Variants in TRPM5 observed in about 807,000 individuals in gnomAD.
TRPM5 encodes the protein MLSN1 and TRP-related.
Under a neutral mutation model 124.9 loss-of-function variants are expected in TRPM5, and 121 were observed. The ratio of observed to expected loss-of-function variants is 0.97; its 90% CI spans 0.84 to 1.13. The LOEUF (loss-of-function observed/expected upper bound fraction) is 1.13, where lower values mean the gene tolerates loss of function less well. TRPM5 is among the 50% of genes most tolerant of loss of function. The probability of loss-of-function intolerance (pLI) is 0.00; values close to 1 mark genes in which losing one functional copy is unlikely to be tolerated. For synonymous variants in TRPM5, 781 were observed against 700.5 expected (o/e 1.11, Z -1.81); for missense variants, 1,643 against 1,589.1 (o/e 1.03, Z -0.58).
At chr11:2,427,174 C>T (rs995169331), upstream of TRPM5, among the ~76,000 whole-genome samples, 1 of 152,252 alleles carries the variant, frequency 6.6e-6, no homozygotes, top group African/African-American at 2.4e-5. Context: ...GATAAGGAAA[C>T]TGAGGCAAGA....
At chr11:2,405,375 A>G in intron 23 of TRPM5, 152 bp downstream of exon 28, 2 of 785,104 alleles carry the variant, frequency 2.5e-6, no homozygotes, top group South Asian at 1.7e-5. Flanking sequence ...GGGCACCCAC[A>G]CCACCCTGAA....
At chr11:2,441,732 C>T in the TRPM5 span, among the ~76,000 whole-genome samples, 2 of 152,072 alleles carry the variant, frequency 1.3e-5, no homozygotes, top group Admixed American at 6.5e-5. This position sits in a 1 kb window ranked among gnomAD's most constrained non-coding sequence, Gnocchi z 7.2. Flanking sequence ...TCTTGTCACC[C>T]AGGCTGGAGT....
Position 2,417,719 on chromosome 11 carries a change from G to T in TRPM5, c.1009+8C>A. ...GGCGCCTGCCTTGCCCACCCTGCCCGCCCTCACCTTTCACCAGCGCCTTCA... is the reference window on the plus strand; with the variant it reads ...GGCGCCTGCCTTGCCCACCCTGCCCTCCCTCACCTTTCACCAGCGCCTTCA... On this transcript the variant is annotated splice_region_variant and intron_variant, in intron 7 of 23. Transcript: ENST00000155858. 7 of 382,346 alleles carry T rather than the reference G, an allele frequency of 1.8e-5. No homozygotes were observed. The highest frequency in any genetic ancestry group is 2.8e-5 in the Non-Finnish European group (6 of 212,044). The allele number at this position is 382,346 out of a possible 1,614,324, so 23.7% of individuals were successfully genotyped here.
At chr11:2,425,862 A>G (rs778209536), upstream of TRPM5, among the ~76,000 whole-genome samples, 1 of 152,154 alleles carries the variant, frequency 6.6e-6, no homozygotes, top group Non-Finnish European at 1.5e-5. Context: ...CGCCTTCCCC[A>G]TGACTCTTAG....
chr11:2,414,009 G>GGGGCGGCCCCCCCCCC, intron 12 of TRPM5, 52 bp downstream of exon 17: 1 of 1,023,732 alleles, frequency 9.8e-7, no homozygotes. Flanking sequence ...GGCCCAGCTC[G>GGGGCGGCCCCCCCCCC]CCCGCCCACC....
chr11:2,416,790 A>T (rs927381798), intron 7 of TRPM5, among the ~76,000 whole-genome samples: 30 of 152,266 alleles, frequency 2.0e-4, no homozygotes, highest in Non-Finnish European at 2.5e-4. Flanking sequence ...CCAGCCCTTC[A>T]GCACGCGTTC....
chr11:2,418,260 G>A (rs1343853165), exon 6 of TRPM5: 2 of 1,583,730 alleles, frequency 1.3e-6, no homozygotes, highest in African/African-American at 2.7e-5. Context: ...GCACCAGGAG[G>A]TGGGGCTGGT....
the TRPM5 span, among the ~76,000 whole-genome samples, chr11:2,442,245 A>T: frequency 1.3e-5 from 2 of 152,194 alleles, no homozygotes; most frequent in Non-Finnish European, 2.9e-5. The surrounding 1 kb of genome is among the most constrained non-coding windows in gnomAD (Gnocchi z 5.9). Context: ...CTAAGATAAA[A>T]TAGCTGAGGA....
At chr11:2,425,655 A>ACCCTGGGCGGGGGTCCTCG (rs56207710), upstream of TRPM5, among the ~76,000 whole-genome samples, 2 of 151,718 alleles carry the variant, frequency 1.3e-5, no homozygotes, top group African/African-American at 4.9e-5. Context: ...GGGGGTCCTC[A>ACCCTGGGCGGGGGTCCTCG]GGCTGGCCTT....
chr11:2,404,462 G>C (rs1243840443), downstream of TRPM5: 1 of 154,988 alleles, frequency 6.5e-6, no homozygotes, highest in Non-Finnish European at 1.4e-5. Flanking sequence ...CCAGTCACCT[G>C]AGCCCCAAAG....
rs185916665 is a variant in TRPM5, at chr11:2,408,326, G to C, written c.2783-414C>G. 1.0e-3 allele frequency among the ~76,000 whole-genome samples: 153 copies of C among 152,326 alleles called. 1 individual carries two copies. In the Middle Eastern group the frequency reaches 0.01, roughly 10 times the overall value. The stretch of plus-strand genomic sequence containing the variant: ...TCCTCCGAAAAAAGCCTCTGCTGTT[G>C]AAGGTTTGGGGAGAGCTGCCGAGGA... On this transcript the variant is annotated intron_variant, in intron 18 of 23. Transcript: ENST00000155858.
At chr11:2,419,758 C>T (rs1193946994) in intron 4 of TRPM5, among the ~76,000 whole-genome samples, 1 of 152,174 alleles carries the variant, frequency 6.6e-6, no homozygotes, top group African/African-American at 2.4e-5. Flanking sequence ...TACACACTAG[C>T]GTTTTCTTAG....
At chr11:2,412,352 A>ATGGGGATCAGGGTTCAC in intron 15 of TRPM5, 99 bp from the exon 21 acceptor site, 1 of 589,654 alleles carries the variant, frequency 1.7e-6, no homozygotes, top group Non-Finnish European at 2.5e-6. Flanking sequence ...TCAGGGTTCC[A>ATGGGGATCAGGGTTCAC]TCTATGACCA....
rs532826719 is a variant in TRPM5, at chr11:2,415,825, C to A, written c.1128+81G>T. 4.3e-5 allele frequency: 46 copies of A among 1,081,796 alleles called. No individual in the cohort carries two copies. The Middle Eastern group carries it at 1.7e-3, about 39-fold the overall frequency. 67.0% of individuals were successfully genotyped at this position (1,081,796 alleles called of 1,614,324 possible). Reference sequence around the variant, plus strand: ...GGCAGAACGGGCTCAGCCAAGCAGCCCACAGGGTGCAGGAGCAGGCAGCGT... The same window carrying A: ...GGCAGAACGGGCTCAGCCAAGCAGCACACAGGGTGCAGGAGCAGGCAGCGT... On this transcript the variant is annotated intron_variant, in intron 8 of 23. Coordinates refer to ENST00000155858, the Ensembl canonical transcript of TRPM5.
At position 2,417,836 on chromosome 11, in the gene TRPM5, A is replaced by G. The variant is rs888075427; in HGVS notation, c.907-7T>C. 1.2e-5 allele frequency: 19 copies of G among 1,568,060 alleles called. No individual in the cohort carries two copies. In the African/African-American group the frequency reaches 1.8e-4, roughly 14 times the overall value. ...GTGAGGTGATGTTCTGCAGCTGGGC[A>G]CCAGAACAGAGCCCCCATGGGGCCG... On this transcript the variant is annotated splice_polypyrimidine_tract_variant and splice_region_variant and intron_variant, in intron 6 of 23. Coordinates refer to ENST00000155858, the Ensembl canonical transcript of TRPM5.
intron 13 of TRPM5, 63 bp downstream of exon 18, chr11:2,413,413 C>A: frequency 2.7e-6 from 4 of 1,480,142 alleles, no homozygotes; most frequent in South Asian, 2.5e-5. Flanking sequence ...CCAGGCCCTC[C>A]CCGTAGCTCC....
upstream of TRPM5, among the ~76,000 whole-genome samples, chr11:2,425,428 T>C (rs1845832542): frequency 6.6e-6 from 1 of 152,186 alleles, no homozygotes; most frequent in South Asian, 2.1e-4. Flanking sequence ...TCTGCAATCA[T>C]TGATTGCCCA....
At chr11:2,412,065 C>T (rs913562055) in intron 16 of TRPM5, 70 bp downstream of exon 21, 1 of 1,356,398 alleles carries the variant, frequency 7.4e-7, no homozygotes, top group Non-Finnish European at 1.1e-6. Context: ...CACACCCAAC[C>T]TGAGTGGCTT....
At chr11:2,416,984 C>G (rs992862638) in intron 7 of TRPM5, among the ~76,000 whole-genome samples, 1 of 152,184 alleles carries the variant, frequency 6.6e-6, no homozygotes, top group South Asian at 2.1e-4. Context: ...TGCAGGGAAC[C>G]ATGGACACGA....
Sources: gnomAD v4.1 joint callset for allele counts (sites outside exome capture counted in the v4.1 genomes callset) on GRCh38, gnomAD v4.1.1 for gene constraint, Gnocchi (gnomAD v3.1) non-coding constraint, MANE v1.5 for transcripts, NCBI Gene and HGNC (gene_info 2026-07-23, HGNC 2026-07-21) for gene names.